Variants in POLN observed in about 807,000 individuals in gnomAD.
The protein encoded by POLN is DNA polymerase N.
Under a neutral mutation model 113.5 loss-of-function variants are expected in POLN, and 108 were observed. That is an observed-to-expected ratio of 0.95 (90% CI 0.81 to 1.12). POLN has a LOEUF of 1.12. POLN is among the 50% of genes most tolerant of loss of function. The pLI, the probability that POLN is intolerant of heterozygous loss-of-function variation, is 0.00. For missense variants in POLN, 1,097 were observed against 1,077.1 expected (o/e 1.02, Z -0.26); for synonymous variants, 386 against 391.5 (o/e 0.99, Z 0.17).
chr4:2,152,195 C>G (rs542053416), intron 16 of POLN, among the ~76,000 whole-genome samples: 5 of 151,770 alleles, frequency 3.3e-5, no homozygotes, highest in African/African-American at 1.2e-4. Flanking sequence ...CCATGCCCAC[C>G]TAATCTAATT....
At chr4:2,113,902 A>AATG (rs1553895201) in intron 19 of POLN, among the ~76,000 whole-genome samples, 6 of 141,102 alleles carry the variant, frequency 4.3e-5, no homozygotes, top group Admixed American at 1.4e-4. Flanking sequence ...TAATAATAAT[A>AATG]ATGTCTTTTT....
chr4:2,240,588 C>A lies in POLN; in HGVS notation c.-13+932G>T, dbSNP rs760662072. ...TGAAGCCATCAATTGACATTTATTA[C>A]GTCGCTGAATTTTTAGGTTCTTTAA... On this transcript the variant is annotated intron_variant, in intron 2 of 25. Coordinates refer to ENST00000511885, the MANE Select transcript of POLN (RefSeq NM_181808.4). 1.2e-5 allele frequency: 19 copies of A among 1,612,536 alleles called. No individual in the cohort carries two copies. Among genetic ancestry groups the A allele is most frequent in the Middle Eastern group, 3.3e-4 (2 of 6,078 alleles).
chr4:2,110,308 C>T (rs1271841966), intron 19 of POLN, among the ~76,000 whole-genome samples: 1 of 151,838 alleles, frequency 6.6e-6, no homozygotes, highest in African/African-American at 2.4e-5. Context: ...AAACTGACAC[C>T]CTAACATCAC....
At chr4:2,188,256 C>T (rs1733330609) in intron 7 of POLN, among the ~76,000 whole-genome samples, 1 of 152,182 alleles carries the variant, frequency 6.6e-6, no homozygotes, top group African/African-American at 2.4e-5. Context: ...AAATTCATCA[C>T]CACCAGACCC....
At chr4:2,090,470 C>CG in intron 20 of POLN, 1 of 552,874 alleles carries the variant, frequency 1.8e-6, no homozygotes, top group Non-Finnish European at 3.3e-6. Context: ...ATAGGCTCAA[C>CG]GGAAGGTTTG....
chr4:2,085,864 T>C lies in POLN; in HGVS notation c.2066-120A>G, dbSNP rs1730538274. Reference sequence around the variant, plus strand: ...TCTTTTCTGATGGGTTGGGATGGAGTTGGCGTTGACTTTACAAGCCAGGTG... The same window carrying C: ...TCTTTTCTGATGGGTTGGGATGGAGCTGGCGTTGACTTTACAAGCCAGGTG... On this transcript the variant is annotated intron_variant, in intron 20 of 25. Transcript: ENST00000511885. The C allele has an allele frequency of 2.9e-6, 4 of 1,390,662 alleles. No individual in the cohort carries two copies. The South Asian group carries it at 5.3e-5, about 18-fold the overall frequency. The allele number at this position is 1,390,662 out of a possible 1,614,324, so 86.1% of individuals were successfully genotyped here. A position where few individuals can be genotyped will look rare whatever the true frequency, so the allele number is the denominator to read the frequency against.
intron 2 of POLN, chr4:2,239,104 A>G: frequency 2.2e-6 from 2 of 905,506 alleles, no homozygotes; most frequent in Non-Finnish European, 3.2e-6. Context: ...TCATCTTAAG[A>G]TTATTTTCAC....
chr4:2,190,518 A>G (rs989361623), intron 7 of POLN, among the ~76,000 whole-genome samples: 1 of 152,154 alleles, frequency 6.6e-6, no homozygotes, highest in African/African-American at 2.4e-5. Context: ...TAGGCAACAA[A>G]AGCAAAAACA....
intron 3 of POLN, among the ~76,000 whole-genome samples, chr4:2,223,589 G>T (rs988402818): frequency 6.6e-6 from 1 of 152,120 alleles, no homozygotes; most frequent in Admixed American, 6.5e-5. Context: ...GTCATATAGT[G>T]AACTTACACA....
At chr4:2,132,249 C>G (rs913868509) in intron 16 of POLN, among the ~76,000 whole-genome samples, 1 of 151,964 alleles carries the variant, frequency 6.6e-6, no homozygotes, top group Admixed American at 6.6e-5. Context: ...GTAGAGATGA[C>G]AGAGAAAACA....
Position 2,233,867 on chromosome 4 carries a change from T to C in POLN, c.-12-4624A>G, listed in dbSNP as rs1327583845. ...TGGTGTCTAGTAGACACTTATATAGTGCTGGTAGCATTATAAACTCCTTTA... is the reference window on the plus strand; with the variant it reads ...TGGTGTCTAGTAGACACTTATATAGCGCTGGTAGCATTATAAACTCCTTTA... On this transcript the variant is annotated intron_variant, in intron 2 of 25. Coordinates refer to ENST00000511885, the MANE Select transcript of POLN (RefSeq NM_181808.4). Among the ~76,000 whole-genome samples, 4 of 152,314 alleles carry C rather than the reference T, an allele frequency of 2.6e-5. No individual in the cohort carries two copies. The South Asian group carries it at 8.3e-4, about 32-fold the overall frequency.
chr4:2,173,933 A>C, intron 11 of POLN, 22 bp downstream of exon 11: 1 of 1,610,190 alleles, frequency 6.2e-7, no homozygotes, highest in Non-Finnish European at 8.5e-7. Flanking sequence ...GCCAGTACAA[A>C]CCATCTGGAA....
At chr4:2,160,802 T>C (rs1057429265) in intron 13 of POLN, among the ~76,000 whole-genome samples, 4 of 152,228 alleles carry the variant, frequency 2.6e-5, no homozygotes, top group African/African-American at 9.6e-5. Flanking sequence ...GTTGATGCAT[T>C]TGCTGTCCTA....
At chr4:2,153,861 G>A (rs970394645) in intron 16 of POLN, among the ~76,000 whole-genome samples, 3 of 151,898 alleles carry the variant, frequency 2.0e-5, no homozygotes, top group African/African-American at 7.3e-5. Context: ...TGGGATTACA[G>A]GTGTGAGCCA....
intron 19 of POLN, among the ~76,000 whole-genome samples, chr4:2,111,161 G>A (rs561592572): frequency 1.3e-5 from 2 of 152,310 alleles, no homozygotes; most frequent in Non-Finnish European, 2.9e-5. Context: ...CTCAATAGAT[G>A]TAGAAAAGGC....
chr4:2,241,399 T>C, intron 2 of POLN, 121 bp downstream of exon 2: 1 of 631,592 alleles, frequency 1.6e-6, no homozygotes, highest in Non-Finnish European at 2.0e-6. Context: ...TAATTCAAAA[T>C]AAATGGATCC....
intron 19 of POLN, among the ~76,000 whole-genome samples, chr4:2,119,481 TG>T (rs1413980315): frequency 1.3e-5 from 2 of 152,174 alleles, no homozygotes; most frequent in Non-Finnish European, 2.9e-5. Context: ...TCCTGTCTGA[TG>T]TGCATTCCCT....
intron 20 of POLN, chr4:2,088,899 A>T: frequency 7.3e-7 from 1 of 1,363,782 alleles, no homozygotes; most frequent in Non-Finnish European, 1.0e-6. Flanking sequence ...TTTAGTGGGT[A>T]ACGAAGACAC....
At chr4:2,199,535 T>C (rs763671732) in intron 5 of POLN, among the ~76,000 whole-genome samples, 13 of 152,126 alleles carry the variant, frequency 8.5e-5, no homozygotes, top group Non-Finnish European at 1.9e-4. Context: ...GCAGATTTCT[T>C]TGTGGGAAAT....
Sources: allele counts gnomAD v4.1 joint callset (sites outside exome capture counted in the v4.1 genomes callset), GRCh38; gene constraint gnomAD v4.1.1; transcripts MANE v1.5; gene names NCBI Gene and HGNC (gene_info 2026-07-23, HGNC 2026-07-21).